CXCL13: variants seen among roughly 807,000 people sequenced by gnomAD.
The protein encoded by CXCL13 is C-X-C motif chemokine ligand 13.
In CXCL13, 7 loss-of-function variants were observed where a neutral mutation model predicts 12.2. The ratio of observed to expected loss-of-function variants is 0.57; its 90% CI spans 0.33 to 1.07. The LOEUF (loss-of-function observed/expected upper bound fraction) is 1.07. Among genes scored for constraint, CXCL13 ranks in the 50% least tolerant of loss-of-function variants. The probability of loss-of-function intolerance (pLI) is 0.04; values close to 1 mark genes in which losing one functional copy is unlikely to be tolerated. For synonymous variants in CXCL13, 47 were observed against 42.4 expected, an observed-to-expected ratio of 1.11 and a Z score of -0.42; for missense variants, 113 against 127.4, an observed-to-expected ratio of 0.89 and a Z score of 0.55.
chr4:77,560,789 A>T (rs779390850), intron 1 of CXCL13, among the ~76,000 whole-genome samples: 1 of 152,240 alleles, frequency 6.6e-6, no homozygotes, highest in Non-Finnish European at 1.5e-5. Context: ...GACATTTAGA[A>T]GCAGATTACA....
intron 1 of CXCL13, among the ~76,000 whole-genome samples, 185 bp from the exon 2 acceptor site, chr4:77,607,518 A>T (rs946789661): frequency 1.3e-5 from 2 of 152,204 alleles, no homozygotes; most frequent in African/African-American, 4.8e-5. Flanking sequence ...AAGTTTTGGT[A>T]GAAAACATTT....
intron 1 of CXCL13, among the ~76,000 whole-genome samples, chr4:77,543,605 T>C (rs1429789191): frequency 2.0e-5 from 3 of 152,160 alleles, no homozygotes; most frequent in Non-Finnish European, 4.4e-5. Context: ...CTTACTTTTG[T>C]TGTTTACCCA....
chr4:77,515,124 C>T (rs1473411167), intron 1 of CXCL13, among the ~76,000 whole-genome samples: 3 of 152,024 alleles, frequency 2.0e-5, no homozygotes, highest in Non-Finnish European at 4.4e-5. Context: ...TGTAGATATG[C>T]GGAGTTATTT....
intron 3 of CXCL13, 119 bp downstream of exon 3, chr4:77,610,813 G>C (rs1727132284): frequency 4.3e-6 from 4 of 934,290 alleles, no homozygotes; most frequent in Non-Finnish European, 6.9e-6. Flanking sequence ...ACAAATGTGT[G>C]TTTTTCACTG....
chr4:77,513,534 C>T (rs1438863244), intron 1 of CXCL13, among the ~76,000 whole-genome samples: 1 of 152,020 alleles, frequency 6.6e-6, no homozygotes, highest in Non-Finnish European at 1.5e-5. Flanking sequence ...CCACTCCAAG[C>T]TCCGCCTCCT....
rs746623589 is a variant in CXCL13 at position 77,536,380 on chromosome 4, G to A, written c.-43+24592G>A. 1.2e-4 allele frequency among the ~76,000 whole-genome samples: 19 copies of A among 152,104 alleles called. 1 individual carries two copies. Among genetic ancestry groups the A allele is most frequent in the Admixed American group, 3.3e-4 (5 of 15,266 alleles). ...AGTTAACTTTTAACTTCCCTTTTGG[G>A]TGTGGCTCCATCATGAAGAAGAAGC... On this transcript the variant is annotated intron_variant, in intron 1 of 4. Coordinates refer to the CXCL13 transcript ENST00000286758.
intron 1 of CXCL13, among the ~76,000 whole-genome samples, chr4:77,588,090 C>T (rs139401956): frequency 9.5e-4 from 142 of 150,242 alleles, no homozygotes; most frequent in African/African-American, 3.5e-3. Flanking sequence ...ATCTGGCTTC[C>T]TTTGCATATC....
At chr4:77,599,020 G>A (rs1232829999) in intron 1 of CXCL13, among the ~76,000 whole-genome samples, 1 of 152,104 alleles carries the variant, frequency 6.6e-6, no homozygotes, top group African/African-American at 2.4e-5. Context: ...TATTGGCCAG[G>A]CTGGTCTTGA....
chr4:77,600,147 G>T (rs1309477332), intron 1 of CXCL13, among the ~76,000 whole-genome samples: 7 of 151,950 alleles, frequency 4.6e-5, no homozygotes, highest in African/African-American at 1.7e-4. Flanking sequence ...TATCTAGGAG[G>T]CCTCTATGAA....
rs577957188 is a variant in CXCL13, at chr4:77,535,081, T to G, written c.-43+23293T>G. ...GCTAAAATGATCCCCAAATTCACAG[T>G]GTCCTCACAATGTCCTCTTCCACAA... On this transcript the variant is annotated intron_variant, in intron 1 of 4. Transcript: ENST00000286758. Among the ~76,000 whole-genome samples, 21 of 152,342 alleles carry G rather than the reference T, an allele frequency of 1.4e-4. 1 individual carries two copies. The South Asian group carries it at 4.3e-3, about 32-fold the overall frequency.
intron 1 of CXCL13, among the ~76,000 whole-genome samples, chr4:77,565,539 C>G (rs1450808814): frequency 6.6e-6 from 1 of 152,114 alleles, no homozygotes; most frequent in Non-Finnish European, 1.5e-5. Context: ...TATATATTTG[C>G]AGGGTCAATT....
At chr4:77,553,669 G>A (rs922385353) in intron 1 of CXCL13, among the ~76,000 whole-genome samples, 1 of 152,070 alleles carries the variant, frequency 6.6e-6, no homozygotes, top group Admixed American at 6.5e-5. Context: ...TCTCCTCCCT[G>A]GGATCTGGGG....
At chr4:77,559,543 G>T (rs113845114) in intron 1 of CXCL13, among the ~76,000 whole-genome samples, 2 of 152,018 alleles carry the variant, frequency 1.3e-5, no homozygotes, top group African/African-American at 2.4e-5. Flanking sequence ...TACAGCTATC[G>T]CACAGCAACC....
intron 1 of CXCL13, among the ~76,000 whole-genome samples, chr4:77,570,911 C>G (rs1356484791): frequency 2.0e-5 from 3 of 152,022 alleles, no homozygotes; most frequent in Non-Finnish European, 4.4e-5. Context: ...TGGGGCAGGC[C>G]TCGGGACTGC....
intron 1 of CXCL13, among the ~76,000 whole-genome samples, chr4:77,517,965 T>G (rs1187118377): frequency 6.6e-6 from 1 of 152,226 alleles, no homozygotes; most frequent in African/African-American, 2.4e-5. Flanking sequence ...CTTTCCACGT[T>G]TAGTGCTTCC....
intron 1 of CXCL13, among the ~76,000 whole-genome samples, chr4:77,560,422 A>G (rs974307457): frequency 6.6e-6 from 1 of 152,214 alleles, no homozygotes; most frequent in African/African-American, 2.4e-5. Context: ...ACTGTTCTTG[A>G]TCAAGCCCTG....
chr4:77,517,703 C>T (rs935656466), intron 1 of CXCL13, among the ~76,000 whole-genome samples: 2 of 152,140 alleles, frequency 1.3e-5, no homozygotes, highest in Admixed American at 6.6e-5. Flanking sequence ...ATGTGTGTCT[C>T]TGCATGTGAG....
intron 1 of CXCL13, among the ~76,000 whole-genome samples, chr4:77,532,414 A>T (rs1165873655): frequency 6.6e-6 from 1 of 152,200 alleles, no homozygotes; most frequent in Non-Finnish European, 1.5e-5. Context: ...CCGAGAAATC[A>T]GCTGTTAGTC....
intron 1 of CXCL13, among the ~76,000 whole-genome samples, chr4:77,582,271 T>A (rs1460883447): frequency 6.6e-6 from 1 of 152,156 alleles, no homozygotes; most frequent in Non-Finnish European, 1.5e-5. Context: ...GCCTCTGTCC[T>A]CATGGAGTCT....
Sources: gnomAD v4.1 joint callset for allele counts (sites outside exome capture counted in the v4.1 genomes callset) on GRCh38, gnomAD v4.1.1 for gene constraint, MANE v1.5 for transcripts, NCBI Gene and HGNC (gene_info 2026-07-23, HGNC 2026-07-21) for gene names.